DOCK4: variants seen among roughly 807,000 people sequenced by gnomAD.
DOCK4 encodes the protein dedicator of cytokinesis protein 4.
DOCK4 carries 97 observed loss-of-function variants against 268.1 expected under a neutral mutation model. The ratio of observed to expected loss-of-function variants is 0.36; its 90% CI spans 0.31 to 0.43. The LOEUF (loss-of-function observed/expected upper bound fraction) is 0.43, where lower values mean the gene tolerates loss of function less well. Among genes scored for constraint, DOCK4 ranks in the 20% least tolerant of loss-of-function variants. The probability of loss-of-function intolerance (pLI) is 1.00; values close to 1 mark genes in which losing one functional copy is unlikely to be tolerated. For synonymous variants in DOCK4, 954 were observed against 887.2 expected (o/e 1.08, Z -1.34); for missense variants, 2,145 against 2,455.7 (o/e 0.87, Z 2.67).
At chr7:112,047,018 C>T (rs1187066224) in intron 1 of DOCK4, among the ~76,000 whole-genome samples, 9 of 152,218 alleles carry the variant, frequency 5.9e-5, no homozygotes, top group South Asian at 4.1e-4. Context: ...TGTGAGGAAA[C>T]GACATGACTC....
chr7:112,135,837 T>C (rs1051168546), intron 1 of DOCK4, among the ~76,000 whole-genome samples: 18 of 152,306 alleles, frequency 1.2e-4, no homozygotes, highest in African/African-American at 4.3e-4. Context: ...TTGAATTTTG[T>C]TGCTTTCCTG....
At chr7:112,043,796 T>C (rs978612112) in intron 1 of DOCK4, among the ~76,000 whole-genome samples, 3 of 151,962 alleles carry the variant, frequency 2.0e-5, no homozygotes, top group Non-Finnish European at 4.4e-5. Context: ...CAAGAAGTTG[T>C]AATGAAAGCT....
chr7:111,730,960 C>T (rs1205621218), intron 52 of DOCK4, among the ~76,000 whole-genome samples: 1 of 152,100 alleles, frequency 6.6e-6, no homozygotes, highest in African/African-American at 2.4e-5. Flanking sequence ...TACTACCCAA[C>T]AAAATTTAAG....
chr7:111,998,848 T>C (rs567650159), intron 3 of DOCK4, among the ~76,000 whole-genome samples: 19 of 151,562 alleles, frequency 1.3e-4, no homozygotes, highest in African/African-American at 4.6e-4. Context: ...AAAATATGTA[T>C]TGCATAGTTT....
At chr7:111,882,566 G>A (rs755152119) in intron 16 of DOCK4, among the ~76,000 whole-genome samples, 1 of 152,162 alleles carries the variant, frequency 6.6e-6, no homozygotes, top group Non-Finnish European at 1.5e-5. Context: ...AGGAGTTTAA[G>A]CATAGAATCC....
intron 27 of DOCK4, among the ~76,000 whole-genome samples, chr7:111,819,115 G>GAT (rs1275751432): frequency 6.6e-6 from 1 of 152,142 alleles, no homozygotes; most frequent in Admixed American, 6.5e-5. Context: ...GTTAGTGCAT[G>GAT]ATATGTTTGA....
At chr7:111,796,564 CGT>C (rs1799909101) in intron 30 of DOCK4, among the ~76,000 whole-genome samples, 1 of 152,200 alleles carries the variant, frequency 6.6e-6, no homozygotes, top group Non-Finnish European at 1.5e-5. Flanking sequence ...TTGGTTTCTA[CGT>C]TCTTCTAAGG....
intron 8 of DOCK4, among the ~76,000 whole-genome samples, chr7:111,949,775 A>G (rs1281002476): frequency 6.6e-6 from 1 of 152,170 alleles, no homozygotes; most frequent in East Asian, 1.9e-4. Context: ...CACTCAGCAA[A>G]TGGTTTTGGA....
intron 23 of DOCK4, among the ~76,000 whole-genome samples, chr7:111,860,422 A>G (rs1207792025): frequency 6.6e-6 from 1 of 152,174 alleles, no homozygotes; most frequent in African/African-American, 2.4e-5. Context: ...GTTTTCTTCA[A>G]TGACGAGTTA....
chr7:112,007,557 A>G lies in DOCK4; in HGVS notation c.38-3426T>C, dbSNP rs1800960036. 2.6e-5 allele frequency among the ~76,000 whole-genome samples: 4 copies of G among 152,202 alleles called. No homozygotes were observed. In the South Asian group the frequency reaches 8.3e-4, roughly 32 times the overall value. The stretch of plus-strand genomic sequence containing the variant: ...ATCACTGAGTTAGACAAGTAACTCC[A>G]CCTTGCTGTGTACTAATGAATAGAT... On this transcript the variant is annotated intron_variant, in intron 1 of 52. Coordinates refer to ENST00000428084, the MANE Select transcript of DOCK4 (RefSeq NM_001363540.2).
Position 111,728,398 on chromosome 7 carries a change from G to C in DOCK4, c.5804C>G (p.Ser1935Trp). The change falls in exon 53 of 53, where the codon TCG (serine) becomes TGG (tryptophan). Residue 1935 changes from serine to tryptophan, a missense_variant. By Grantham distance (177) the Ser-to-Trp change is radical (BLOSUM62 -3). Around this residue, in one of 2 missense-constraint regions of DOCK4, gnomAD observed 547 missense variants for 469.0 expected, o/e 1.17. Coordinates refer to ENST00000428084, the MANE Select transcript of DOCK4 (RefSeq NM_001363540.2). Reference protein sequence around the residue: ...LPHSLSIPVTSEPPALPPKPL... With the variant: ...LPHSLSIPVTWEPPALPPKPL... ...CTTGGGGGGCAGCGCGGGCGGCTCC[G>C]ACGTGACGGGGATGGAGAGGCTGTG... is the stretch of plus-strand genomic sequence containing the variant. 6.4e-7 allele frequency: 1 copy of C among 1,562,068 alleles called. No homozygotes were observed. Among genetic ancestry groups the C allele is most frequent in the Non-Finnish European group, 8.7e-7 (1 of 1,152,380 alleles).
At chr7:112,147,019 T>G (rs868492688) in intron 1 of DOCK4, among the ~76,000 whole-genome samples, 1 of 152,114 alleles carries the variant, frequency 6.6e-6, no homozygotes, top group Non-Finnish European at 1.5e-5. Flanking sequence ...ATAACTATCA[T>G]GTATTTATTT....
chr7:111,755,965 C>T (rs1796990827), intron 41 of DOCK4, among the ~76,000 whole-genome samples: 1 of 152,302 alleles, frequency 6.6e-6, no homozygotes, highest in Non-Finnish European at 1.5e-5. Flanking sequence ...GTCAGCCAGT[C>T]AATGTATCAG....
At chr7:111,774,222 T>C (rs1798306300) in intron 36 of DOCK4, among the ~76,000 whole-genome samples, 1 of 152,154 alleles carries the variant, frequency 6.6e-6, no homozygotes, top group Non-Finnish European at 1.5e-5. Context: ...CCCAGCACTT[T>C]CGGAGGCTGA....
chr7:111,779,462 A>G (rs1798659522), intron 35 of DOCK4, among the ~76,000 whole-genome samples: 1 of 152,152 alleles, frequency 6.6e-6, no homozygotes, highest in Non-Finnish European at 1.5e-5. Context: ...CAGTGGTGCA[A>G]TCTCAGCTGA....
chr7:111,885,872 A>T (rs1807798053), intron 16 of DOCK4, among the ~76,000 whole-genome samples: 1 of 152,176 alleles, frequency 6.6e-6, no homozygotes, highest in Non-Finnish European at 1.5e-5. Context: ...CAGCAGCAGT[A>T]GTAGTCTCAT....
At chr7:112,059,182 G>A (rs12673819) in intron 1 of DOCK4, among the ~76,000 whole-genome samples, 14,826 of 122,160 alleles carry the variant, frequency 0.12, 1,189 homozygotes, top group East Asian at 0.42. Context: ...CACTCTTGTC[G>A]CCCAGGCCAG....
intron 32 of DOCK4, 66 bp downstream of exon 32, chr7:111,788,596 G>A (rs771191656): frequency 4.5e-6 from 6 of 1,337,840 alleles, no homozygotes; most frequent in Non-Finnish European, 6.3e-6. Flanking sequence ...CCGTGGTGCA[G>A]AGAGGCTCAG....
chr7:111,838,086 CAAAAAAAAAAA>C (rs749907970), intron 25 of DOCK4, among the ~76,000 whole-genome samples: 2 of 29,836 alleles, frequency 6.7e-5, no homozygotes, highest in African/African-American at 1.0e-4. Flanking sequence ...AACCCTACCT[CAAAAAAAAAAA>C]AAAAAAAAAA....
Sources: allele counts gnomAD v4.1 joint callset (sites outside exome capture counted in the v4.1 genomes callset), GRCh38; gene constraint gnomAD v4.1.1; regional missense constraint gnomAD v4.1.1; transcripts MANE v1.5; gene names NCBI Gene and HGNC (gene_info 2026-07-23, HGNC 2026-07-21).